Variants in PPFIA1 observed in about 807,000 individuals in gnomAD.
PPFIA1 encodes the protein PPFI scaffold protein A1, also known as liprin-alpha-1.
Under a neutral mutation model 149.9 loss-of-function variants are expected in PPFIA1, and 25 were observed. That is an observed-to-expected ratio of 0.17 (90% CI 0.12 to 0.23). The LOEUF (loss-of-function observed/expected upper bound fraction) is 0.23. Ranked by LOEUF, PPFIA1 falls within the 10% of genes least tolerant of loss-of-function variation. PPFIA1 has a pLI of 1.00. For missense variants in PPFIA1, 1,362 were observed against 1,506.5 expected (o/e 0.90, Z 1.59); for synonymous variants, 549 against 552.8 (o/e 0.99, Z 0.10).
chr11:70,282,163 C>T (rs1417277480), intron 2 of PPFIA1, among the ~76,000 whole-genome samples: 1 of 152,182 alleles, frequency 6.6e-6, no homozygotes, highest in Non-Finnish European at 1.5e-5. Context: ...GCGGGAGACA[C>T]AGCCCTTGGC....
At chr11:70,372,432 T>C (rs1174691583) in intron 22 of PPFIA1, 42 bp downstream of exon 22, 2 of 1,613,112 alleles carry the variant, frequency 1.2e-6, no homozygotes, top group South Asian at 2.2e-5. Flanking sequence ...GCTAAGATTT[T>C]TCACTGTTAC....
chr11:70,324,819 A>G, intron 3 of PPFIA1, 28 bp from the exon 4 acceptor site: 1 of 1,509,300 alleles, frequency 6.6e-7, no homozygotes, highest in African/African-American at 1.4e-5. Flanking sequence ...GCTGTTTAAC[A>G]AGTCTTTATT....
intron 26 of PPFIA1, among the ~76,000 whole-genome samples, chr11:70,380,063 C>T (rs1390477367): frequency 6.6e-6 from 1 of 152,194 alleles, no homozygotes; most frequent in Non-Finnish European, 1.5e-5. Context: ...AATCACATCT[C>T]CCTTGTTAAA....
intron 2 of PPFIA1, among the ~76,000 whole-genome samples, chr11:70,287,786 T>A (rs1217482867): frequency 6.6e-6 from 1 of 151,948 alleles, no homozygotes; most frequent in Admixed American, 6.6e-5. Context: ...TGGGACCACG[T>A]GCATGTACCG....
chr11:70,354,364 C>G lies in PPFIA1; in HGVS notation c.2227C>G (p.Pro743Ala), dbSNP rs1173136741. The G allele has an allele frequency of 5.0e-6, 8 of 1,614,028 alleles. No individual in the cohort carries two copies. The Admixed American group carries it at 5.0e-5, about 10-fold the overall frequency. ...AACCATAAAGTGTGAAACCTCCCCG[C>G]CTTCCTCCCCGAGAGCCCTTCGGTT... ...KTTIKCETSP[P>A]SSPRALRLDR... is the part of the protein sequence containing the mutation. The change falls in exon 17 of 28, where the codon CCT becomes GCT. Residue 743 changes from proline to alanine, a missense_variant. This residue lies in a region of PPFIA1 where 733 missense variants were observed against 744.1 expected (regional missense o/e 0.99). Coordinates refer to ENST00000253925, the MANE Select transcript of PPFIA1 (RefSeq NM_003626.5).
chr11:70,357,769 A>C (rs1360259108), intron 19 of PPFIA1, among the ~76,000 whole-genome samples: 1 of 152,006 alleles, frequency 6.6e-6, no homozygotes, highest in Non-Finnish European at 1.5e-5. Flanking sequence ...TTGTATTTTT[A>C]GTAGAGACGG....
chr11:70,307,587 A>G (rs1391821972), intron 2 of PPFIA1, among the ~76,000 whole-genome samples: 1 of 152,188 alleles, frequency 6.6e-6, no homozygotes, highest in Non-Finnish European at 1.5e-5. Flanking sequence ...ATCCAAAAAA[A>G]TTAAGTACTT....
At chr11:70,324,577 A>G in intron 3 of PPFIA1, 74 bp downstream of exon 3, 4 of 1,256,998 alleles carry the variant, frequency 3.2e-6, no homozygotes, top group Non-Finnish European at 4.6e-6. Context: ...GTCAAAACGA[A>G]AGGACGACCC....
At chr11:70,319,662 C>T (rs1267421976) in intron 2 of PPFIA1, among the ~76,000 whole-genome samples, 2 of 152,162 alleles carry the variant, frequency 1.3e-5, no homozygotes, top group African/African-American at 4.8e-5. Context: ...TCAGAGTCCT[C>T]AAAGCCTGTA....
intron 2 of PPFIA1, chr11:70,321,284 T>G (rs1273419786): frequency 6.6e-6 from 1 of 152,226 alleles, no homozygotes; most frequent in African/African-American, 2.4e-5. Flanking sequence ...CTGTGAAGAA[T>G]GAATTTCTGT....
intron 9 of PPFIA1, 77 bp downstream of exon 9, chr11:70,332,171 G>A: frequency 6.8e-7 from 1 of 1,463,442 alleles, no homozygotes; most frequent in Non-Finnish European, 9.0e-7. Flanking sequence ...GTTTGTCACT[G>A]TTCTTATTAC....
chr11:70,285,995 G>A (rs1265460895), intron 2 of PPFIA1, among the ~76,000 whole-genome samples: 1 of 152,096 alleles, frequency 6.6e-6, no homozygotes, highest in East Asian at 1.9e-4. Flanking sequence ...ATGTAATGTG[G>A]GAGCACTTTC....
chr11:70,309,201 G>A (rs753230488), intron 2 of PPFIA1, among the ~76,000 whole-genome samples: 5 of 149,998 alleles, frequency 3.3e-5, no homozygotes, highest in Non-Finnish European at 7.4e-5. Flanking sequence ...ATGGAGTCTT[G>A]CTCTGTCACC....
chr11:70,318,215 T>C (rs2136663515), intron 2 of PPFIA1, among the ~76,000 whole-genome samples: 1 of 152,352 alleles, frequency 6.6e-6, no homozygotes, highest in Middle Eastern at 3.4e-3. Context: ...CTCTTCTAGA[T>C]GCCATTTCAT....
intron 14 of PPFIA1, among the ~76,000 whole-genome samples, chr11:70,343,009 G>A (rs113465691): frequency 2.9e-5 from 4 of 138,482 alleles, no homozygotes; most frequent in African/African-American, 8.3e-5. Context: ...GTGCAGTGGC[G>A]CGACCTGGAC....
chr11:70,346,139 A>G (rs1362781988), intron 15 of PPFIA1: 1 of 331,964 alleles, frequency 3.0e-6, no homozygotes, highest in Non-Finnish European at 6.2e-6. Context: ...ATATTTATGA[A>G]GAGACCGGTA....
At chr11:70,351,759 A>G (rs79489766) in intron 16 of PPFIA1, among the ~76,000 whole-genome samples, 6,737 of 152,284 alleles carry the variant, frequency 0.044, 195 homozygotes, top group Non-Finnish European at 0.065. Flanking sequence ...GAGGCCCCAC[A>G]GTGCACAGTG....
Position 70,342,337 on chromosome 11 carries a change from G to A in PPFIA1, c.1708-1332G>A, listed in dbSNP as rs144475629. 2.9e-3 allele frequency among the ~76,000 whole-genome samples: 447 copies of A among 152,318 alleles called. 1 individual carries two copies. Among genetic ancestry groups the A allele is most frequent in the Non-Finnish European group, 4.8e-3 (327 of 68,022 alleles). ...TGGTTTTGTCTCCATGAAATGGGAA[G>A]GTCGCCAGTTGGGAGTGAGAATGGG... On this transcript the variant is annotated intron_variant, in intron 14 of 27. Coordinates refer to ENST00000253925, the MANE Select transcript of PPFIA1 (RefSeq NM_003626.5).
chr11:70,343,359 C>G (rs2055473401), intron 14 of PPFIA1, among the ~76,000 whole-genome samples: 1 of 152,220 alleles, frequency 6.6e-6, no homozygotes, highest in Non-Finnish European at 1.5e-5. Flanking sequence ...TCATCCTCCC[C>G]CTGCCCACCC....
Sources: allele counts gnomAD v4.1 joint callset (sites outside exome capture counted in the v4.1 genomes callset), GRCh38; gene constraint gnomAD v4.1.1; regional missense constraint gnomAD v4.1.1; transcripts MANE v1.5; gene names NCBI Gene and HGNC (gene_info 2026-07-23, HGNC 2026-07-21).